The following WWC1 variants were observed in gnomAD, a reference collection of about 807,000 sequenced individuals.
WWC1 encodes the protein protein KIBRA.
In WWC1, 55 loss-of-function variants were observed where a neutral mutation model predicts 138.4. The observed-to-expected ratio is 0.40, with a 90% CI of 0.32 to 0.50. WWC1 has a LOEUF of 0.50. Ranked by LOEUF, WWC1 falls within the 20% of genes least tolerant of loss-of-function variation. The probability of loss-of-function intolerance (pLI) is 0.72; values close to 1 mark genes in which losing one functional copy is unlikely to be tolerated. For missense variants in WWC1, 1,226 were observed against 1,420.4 expected, an observed-to-expected ratio of 0.86 and a Z score of 2.20; for synonymous variants, 524 against 564.9, an observed-to-expected ratio of 0.93 and a Z score of 1.03.
At chr5:168,301,384 C>G (rs546942773) in intron 1 of WWC1, among the ~76,000 whole-genome samples, 3 of 152,276 alleles carry the variant, frequency 2.0e-5, no homozygotes, top group Admixed American at 1.3e-4. Context: ...ACCTGTAATT[C>G]CAGCACTTTG....
chr5:168,449,912 C>A (rs912964927), intron 17 of WWC1, among the ~76,000 whole-genome samples: 13 of 152,138 alleles, frequency 8.5e-5, no homozygotes, highest in Non-Finnish European at 1.8e-4. Context: ...GCTGCTGGGG[C>A]CAAGGAGGAG....
Position 168,430,221 on chromosome 5 carries a change from A to G in WWC1, c.2085A>G (p.Lys695=), listed in dbSNP as rs1561754989. The G allele has an allele frequency of 1.8e-5, 29 of 1,613,160 alleles. No homozygotes were observed. Among genetic ancestry groups the G allele is most frequent in the Non-Finnish European group, 2.1e-5 (25 of 1,179,590 alleles). Residue 695 remains lysine, a splice_region_variant and synonymous_variant, in exon 14 of 23, where the codon AAA becomes AAG. Transcript: ENST00000265293. ...CTCTGTTGCAGCAACAAGACCAGAA[A>G]GTGTGAGTATGTAGCTGGACAGGTG... ...LSALLQQQDQ[K]VNIRVAVLPC...
chr5:168,459,197 T>A (rs1006584478), intron 19 of WWC1, among the ~76,000 whole-genome samples: 1 of 137,968 alleles, frequency 7.2e-6, no homozygotes, highest in Non-Finnish European at 1.5e-5. Flanking sequence ...AAGGCTGCAG[T>A]GAGACGAGAT....
At chr5:168,409,806 G>C in intron 7 of WWC1, 116 bp from the exon 8 acceptor site, 2 of 1,019,138 alleles carry the variant, frequency 2.0e-6, no homozygotes, top group South Asian at 1.3e-5. Context: ...CAGTCACCGG[G>C]GGCTATTCTT....
intron 14 of WWC1, 49 bp from the exon 15 acceptor site, chr5:168,431,203 C>G: frequency 6.5e-7 from 1 of 1,528,674 alleles, no homozygotes; most frequent in Non-Finnish European, 8.9e-7. Flanking sequence ...ACATTTTAGC[C>G]CCAGACATGG....
intron 9 of WWC1, 49 bp downstream of exon 9, chr5:168,414,639 C>G: frequency 6.7e-7 from 1 of 1,501,532 alleles, no homozygotes; most frequent in Non-Finnish European, 8.9e-7. Context: ...CACTGGCAGT[C>G]TGTCCTCAGC....
intron 21 of WWC1, among the ~76,000 whole-genome samples, chr5:168,466,840 T>A (rs2152897306): frequency 6.6e-6 from 1 of 152,100 alleles, no homozygotes; most frequent in African/African-American, 2.4e-5. Context: ...TAACACTTGA[T>A]CTTATTCGAA....
intron 17 of WWC1, among the ~76,000 whole-genome samples, chr5:168,446,261 A>G (rs976879092): frequency 2.2e-5 from 3 of 137,964 alleles, no homozygotes; most frequent in Admixed American, 7.2e-5. Context: ...AAAAAAAAAA[A>G]GGTTAGCAAG....
chr5:168,424,447 C>T (rs1057024470), intron 11 of WWC1, among the ~76,000 whole-genome samples: 7 of 152,178 alleles, frequency 4.6e-5, no homozygotes, highest in East Asian at 1.9e-4. Flanking sequence ...TCTCATGAAG[C>T]TTATGTTCAA....
chr5:168,306,564 G>A (rs1242781815), intron 1 of WWC1, among the ~76,000 whole-genome samples: 4 of 152,130 alleles, frequency 2.6e-5, no homozygotes, highest in African/African-American at 9.7e-5. Context: ...CAGCAGTAAT[G>A]CTTTTGAATA....
Position 168,338,600 on chromosome 5 carries a change from C to T in WWC1, c.120-32824C>T, listed in dbSNP as rs1186465273. Among the ~76,000 whole-genome samples the T allele has an allele frequency of 6.6e-5, 10 of 151,842 alleles. No homozygotes were observed. In the East Asian group the frequency reaches 1.2e-3, roughly 18 times the overall value. ...CTAATTTTGTATTTTTTAGTAGAGACGGGGGTTTCTCCATGTTGGTCAGGC... is the reference window on the plus strand; with the variant it reads ...CTAATTTTGTATTTTTTAGTAGAGATGGGGGTTTCTCCATGTTGGTCAGGC... On this transcript the variant is annotated intron_variant, in intron 1 of 22. Transcript: ENST00000265293.
At chr5:168,350,688 A>G (rs948812126) in intron 1 of WWC1, among the ~76,000 whole-genome samples, 2 of 152,148 alleles carry the variant, frequency 1.3e-5, no homozygotes, top group Admixed American at 1.3e-4. Context: ...ATGATCATTC[A>G]CTCATTCATT....
intron 1 of WWC1, among the ~76,000 whole-genome samples, chr5:168,337,996 A>C (rs1263786319): frequency 1.3e-5 from 2 of 152,078 alleles, no homozygotes; most frequent in Admixed American, 1.3e-4. Context: ...GGGCTGGGCA[A>C]GAGTGTGCAG....
chr5:168,464,637 CAA>C (rs1365892755), intron 20 of WWC1, 90 bp from the exon 21 acceptor site: 3 of 1,541,520 alleles, frequency 1.9e-6, no homozygotes, highest in Non-Finnish European at 1.7e-6. Context: ...TGGATGCCTA[CAA>C]GAGAGGGTAT....
Position 168,292,262 on chromosome 5 carries a change from C to A in WWC1, c.110C>A (p.Pro37Gln). ...HTNRTTSWID[P>Q]RDRYTKPLTF... is the part of the protein sequence containing the mutation. ...AACCGCACCACCAGCTGGATCGACC[C>A]GCGGGACAGGTAGGACCCTGGAACC... The change falls in exon 1 of 23, where the codon CCG (proline) becomes CAG (glutamine). Residue 37 changes from proline (P) to glutamine (Q), a missense_variant. Physicochemically the swap from Pro to Gln is moderately conservative, Grantham distance 76 (BLOSUM62 -1). Around this residue, in one of 3 missense-constraint regions of WWC1, gnomAD observed 1,016 missense variants for 1,153.9 expected, o/e 0.88. Coordinates refer to ENST00000265293, the MANE Select transcript of WWC1 (RefSeq NM_015238.3). This position sits in a 1 kb window ranked among gnomAD's most constrained non-coding sequence, Gnocchi z 4.4. 3 of 1,599,038 alleles carry A rather than the reference C, an allele frequency of 1.9e-6. No homozygotes were observed. The highest frequency in any genetic ancestry group is 4.5e-5 in the East Asian group (2 of 44,070).
intron 15 of WWC1, 99 bp from the exon 16 acceptor site, chr5:168,441,583 A>G: frequency 2.4e-6 from 3 of 1,269,050 alleles, no homozygotes; most frequent in Non-Finnish European, 3.3e-6. Flanking sequence ...TCTCATCTGG[A>G]GTGGTGTTTT....
At chr5:168,351,191 T>G (rs1442945682) in intron 1 of WWC1, among the ~76,000 whole-genome samples, 1 of 149,624 alleles carries the variant, frequency 6.7e-6, no homozygotes, top group Admixed American at 6.7e-5. Flanking sequence ...GGGAAGGCAA[T>G]GAGCCTAGGG....
chr5:168,411,986 G>A, intron 8 of WWC1: 1 of 985,372 alleles, frequency 1.0e-6, no homozygotes, highest in Non-Finnish European at 1.2e-6. Context: ...AAAAACAGAT[G>A]TCCTATGTAC....
intron 1 of WWC1, among the ~76,000 whole-genome samples, chr5:168,347,819 C>T (rs1774601819): frequency 6.6e-6 from 1 of 152,104 alleles, no homozygotes; most frequent in Non-Finnish European, 1.5e-5. Flanking sequence ...GATTCTGTCC[C>T]CTGGGTATAC....
Sources: allele counts gnomAD v4.1 joint callset (sites outside exome capture counted in the v4.1 genomes callset), GRCh38; gene constraint gnomAD v4.1.1; regional missense constraint gnomAD v4.1.1; non-coding constraint Gnocchi (gnomAD v3.1); transcripts MANE v1.5; gene names NCBI Gene and HGNC (gene_info 2026-07-23, HGNC 2026-07-21).